The following HPCAL1 variants were observed in gnomAD, a reference collection of about 807,000 sequenced individuals.
HPCAL1 encodes the protein hippocalcin-like protein 1.
Under a neutral mutation model 17.1 loss-of-function variants are expected in HPCAL1, and 8 were observed. The observed-to-expected ratio is 0.47, with a 90% CI of 0.27 to 0.84. HPCAL1 has a LOEUF of 0.84. HPCAL1 is among the 40% of genes least tolerant of loss of function. HPCAL1 has a pLI of 0.13. For synonymous variants in HPCAL1, 112 were observed against 111.4 expected, an observed-to-expected ratio of 1.01 and a Z score of -0.03; for missense variants, 165 against 271.1, an observed-to-expected ratio of 0.61 and a Z score of 2.75.
rs186500159 is a variant in HPCAL1, at chr2:10,354,606, C to T, written c.-110-42229C>T. On this transcript the variant is annotated intron_variant, in intron 1 of 4. Coordinates refer to ENST00000307845, the MANE Select transcript of HPCAL1 (RefSeq NM_002149.4). This position sits in a 1 kb window ranked among gnomAD's most constrained non-coding sequence, Gnocchi z 5.1. ...GGCCGAGGTGTCGGGACTCAAATTC[C>T]GGGCCCTTGGCTGTGCTTCTCACAT... 1.4e-3 allele frequency among the ~76,000 whole-genome samples: 217 copies of T among 152,366 alleles called. 2 individuals are homozygous for T. Among genetic ancestry groups the T allele is most frequent in the East Asian group, 6.6e-3 (34 of 5,186 alleles).
intron 1 of HPCAL1, among the ~76,000 whole-genome samples, chr2:10,320,073 G>A (rs1225478147): frequency 6.6e-6 from 1 of 152,034 alleles, no homozygotes; most frequent in Non-Finnish European, 1.5e-5. Context: ...TCTTGCTTGG[G>A]GTTGCCTCCT....
intron 1 of HPCAL1, among the ~76,000 whole-genome samples, chr2:10,311,294 A>T (rs772999863): frequency 5.9e-5 from 9 of 152,070 alleles, no homozygotes; most frequent in Admixed American, 3.3e-4. Flanking sequence ...GGGACATGAG[A>T]TGTGGCTGCC....
intron 1 of HPCAL1, among the ~76,000 whole-genome samples, chr2:10,339,700 G>T (rs1664949655): frequency 1.3e-5 from 2 of 152,196 alleles, no homozygotes; most frequent in Admixed American, 1.3e-4. Flanking sequence ...ATCCTATGAG[G>T]TAGGTCCTCT....
chr2:10,387,707 A>C (rs12476436), intron 1 of HPCAL1, among the ~76,000 whole-genome samples: 34,194 of 152,060 alleles, frequency 0.22, 5,063 homozygotes, highest in East Asian at 0.8. Context: ...TGGTCTGAAC[A>C]CCTGCAAGGG....
rs1463223440 is a variant in HPCAL1, at chr2:10,365,440, CTG to C, written c.-110-31392_-110-31391del. ...GCTATTTGAACGGACAGCCCGGAGT[CTG>C]TGCAGGAGTTGGAGGTAGAGCGGGT... On this transcript the variant is annotated intron_variant, in intron 1 of 4. Transcript: ENST00000307845. The surrounding 1 kb of genome is among the most constrained non-coding windows in gnomAD (Gnocchi z 4.8). Among the ~76,000 whole-genome samples the C allele has an allele frequency of 1.3e-5, 2 of 152,202 alleles. No homozygotes were observed. The highest frequency in any genetic ancestry group is 2.9e-5 in the Non-Finnish European group (2 of 68,034).
chr2:10,345,287 C>G (rs1276636031), intron 1 of HPCAL1, among the ~76,000 whole-genome samples: 3 of 152,128 alleles, frequency 2.0e-5, no homozygotes, highest in Non-Finnish European at 2.9e-5. Context: ...AGTGATAATA[C>G]TGTACTCTGC....
At chr2:10,324,092 AC>A (rs888297504) in intron 1 of HPCAL1, among the ~76,000 whole-genome samples, 30 of 152,368 alleles carry the variant, frequency 2.0e-4, no homozygotes, top group Admixed American at 1.7e-3. Flanking sequence ...CCAGGGTCCC[AC>A]TATTAAGAAC....
At chr2:10,334,695 C>CTTTTTCTTTTTTTTTT (rs1553342211) in intron 1 of HPCAL1, among the ~76,000 whole-genome samples, 7,890 of 146,044 alleles carry the variant, frequency 0.054, 728 homozygotes, top group African/African-American at 0.17. Flanking sequence ...ATTCCATTGA[C>CTTTTTCTTTTTTTTTT]TTTTTTTTGA....
intron 1 of HPCAL1, among the ~76,000 whole-genome samples, chr2:10,388,089 C>A (rs183044508): frequency 6.6e-6 from 1 of 152,140 alleles, no homozygotes; most frequent in Non-Finnish European, 1.5e-5. Context: ...GTTCTAAGGT[C>A]TCCTGAGAAG....
rs142109893 is a variant in HPCAL1, at chr2:10,414,638, A to G, written c.-24-5096A>G. On this transcript the variant is annotated intron_variant, in intron 2 of 4. Transcript: ENST00000307845. ...CTGAGGGACCTGGGGTTAGGACTTT[A>G]ACATGGGAATTTGGGGGAAGCACAG... Among the ~76,000 whole-genome samples, 491 of 152,280 alleles carry G rather than the reference A, an allele frequency of 3.2e-3. 2 individuals carry two copies. Among genetic ancestry groups the G allele is most frequent in the Middle Eastern group, 0.017 (5 of 294 alleles).
In HPCAL1 at chr2:10,323,990, G is replaced by A. The variant is rs113464004; in HGVS notation, c.-111+20813G>A. Among the ~76,000 whole-genome samples the A allele has an allele frequency of 1.3e-3, 201 of 152,322 alleles. 2 individuals carry two copies. Among genetic ancestry groups the A allele is most frequent in the African/African-American group, 4.5e-3 (188 of 41,572 alleles). On this transcript the variant is annotated intron_variant, in intron 1 of 4. Transcript: ENST00000307845. This position sits in a 1 kb window ranked among gnomAD's most constrained non-coding sequence, Gnocchi z 4.6. ...GCTCTTGTCATTTCAGAAAAGGAAG[G>A]AGAATTAAGTAAAATGTACTTCAAG...
At position 10,394,131 on chromosome 2, in the gene HPCAL1, CAAAAA is replaced by C. The variant is rs35633004; in HGVS notation, c.-110-2698_-110-2694del. Among the ~76,000 whole-genome samples the C allele has an allele frequency of 6.6e-6, 1 of 150,542 alleles. No homozygotes were observed. The highest frequency in any genetic ancestry group is 1.5e-5 in the Non-Finnish European group (1 of 67,516). The stretch of plus-strand genomic sequence containing the variant: ...TCCTGTCTCCTGAAAAACAAACAAA[CAAAAA>C]AAAAACCTTGTAACTAACCAGAGCA... On this transcript the variant is annotated intron_variant, in intron 1 of 4. Transcript: ENST00000307845. This position sits in a 1 kb window ranked among gnomAD's most constrained non-coding sequence, Gnocchi z 5.0.
At chr2:10,403,629 C>A (rs963732397) in intron 2 of HPCAL1, among the ~76,000 whole-genome samples, 30 of 152,014 alleles carry the variant, frequency 2.0e-4, no homozygotes, top group African/African-American at 7.3e-4. Context: ...ATTACAGGTG[C>A]CTGCCATCAT....
intron 1 of HPCAL1, among the ~76,000 whole-genome samples, chr2:10,307,160 C>A (rs1299708743): frequency 1.3e-5 from 2 of 152,118 alleles, no homozygotes; most frequent in African/African-American, 4.8e-5. Context: ...GGTCTCTGAC[C>A]CTTGGCTAAG....
At position 10,359,095 on chromosome 2, in the gene HPCAL1, T is replaced by C. The variant is rs988274872; in HGVS notation, c.-110-37740T>C. On this transcript the variant is annotated intron_variant, in intron 1 of 4. Coordinates refer to ENST00000307845, the MANE Select transcript of HPCAL1 (RefSeq NM_002149.4). This position sits in a 1 kb window ranked among gnomAD's most constrained non-coding sequence, Gnocchi z 4.1. ...CCCGTCTGCATGCTCCCCTAGAGGT[T>C]TGAGCAGCGGGACACTGACGAAGCG... Among the ~76,000 whole-genome samples, 3 of 151,972 alleles carry C rather than the reference T, an allele frequency of 2.0e-5. No individual in the cohort carries two copies. The highest frequency in any genetic ancestry group is 6.5e-5 in the Admixed American group (1 of 15,272).
intron 2 of HPCAL1, among the ~76,000 whole-genome samples, chr2:10,412,669 C>T (rs551331285): frequency 1.2e-4 from 18 of 152,330 alleles, no homozygotes; most frequent in African/African-American, 4.3e-4. Flanking sequence ...GTAAGAAGAG[C>T]ACATGGTCTC....
chr2:10,320,777 A>T (rs1418301341), intron 1 of HPCAL1, among the ~76,000 whole-genome samples: 1 of 152,194 alleles, frequency 6.6e-6, no homozygotes, highest in Non-Finnish European at 1.5e-5. Context: ...TTCACATAGT[A>T]CCTAGTATAT....
chr2:10,406,175 G>A (rs1203306861), intron 2 of HPCAL1: 1 of 152,210 alleles, frequency 6.6e-6, no homozygotes, highest in Admixed American at 6.5e-5. Context: ...TGTGGCATGT[G>A]GGGATTCCTC....
intron 1 of HPCAL1, among the ~76,000 whole-genome samples, chr2:10,373,990 G>A (rs1667389038): frequency 3.9e-5 from 6 of 152,228 alleles, no homozygotes; most frequent in Admixed American, 3.9e-4. Context: ...CTCTGGGAAA[G>A]TCCGTCCTGG....
Sources: allele counts gnomAD v4.1 joint callset (sites outside exome capture counted in the v4.1 genomes callset), GRCh38; gene constraint gnomAD v4.1.1; non-coding constraint Gnocchi (gnomAD v3.1); transcripts MANE v1.5; gene names NCBI Gene and HGNC (gene_info 2026-07-23, HGNC 2026-07-21).